Variants in AGO2 observed in about 807,000 individuals in gnomAD.
AGO2 encodes the protein protein argonaute-2.
Under a neutral mutation model 102.3 loss-of-function variants are expected in AGO2, and 5 were observed. That is an observed-to-expected ratio of 0.05 (90% CI 0.03 to 0.10). The LOEUF (loss-of-function observed/expected upper bound fraction) is 0.10. AGO2 is among the 10% of genes least tolerant of loss of function. The probability of loss-of-function intolerance (pLI) is 1.00; values close to 1 mark genes in which losing one functional copy is unlikely to be tolerated. For missense variants in AGO2, 541 were observed against 1,183.7 expected, an observed-to-expected ratio of 0.46 and a Z score of 7.97; for synonymous variants, 449 against 473.1, an observed-to-expected ratio of 0.95 and a Z score of 0.66.
chr8:140,533,119 G>A (rs774323259), intron 17 of AGO2, among the ~76,000 whole-genome samples: 8 of 151,952 alleles, frequency 5.3e-5, no homozygotes, highest in Non-Finnish European at 8.8e-5. Flanking sequence ...GCTGGGCCCG[G>A]TGGCTCACAC....
intron 1 of AGO2, among the ~76,000 whole-genome samples, chr8:140,587,727 G>A (rs976820349): frequency 1.6e-4 from 25 of 152,206 alleles, no homozygotes; most frequent in African/African-American, 4.3e-4. Flanking sequence ...CACAAGACAC[G>A]GATGGGCCAC....
At position 140,532,622 on chromosome 8, in the gene AGO2, C is replaced by G; in HGVS notation, c.2272-7G>C. 1 of 1,613,976 alleles carries G rather than the reference C, an allele frequency of 6.2e-7. No homozygotes were observed. The highest frequency in any genetic ancestry group is 8.5e-7 in the Non-Finnish European group (1 of 1,179,892). On this transcript the variant is annotated splice_region_variant and splice_polypyrimidine_tract_variant and intron_variant, in intron 17 of 18. Transcript: ENST00000220592. ...GCGAAGGCCTGCTTGTCCCCTAAAG[C>G]AGATCAGAAGATTAGACAGTTGGAC...
intron 1 of AGO2, among the ~76,000 whole-genome samples, chr8:140,596,863 G>A (rs774968447): frequency 1.7e-4 from 26 of 152,148 alleles, no homozygotes; most frequent in African/African-American, 6.3e-4. Flanking sequence ...CTGTGTCGTC[G>A]TGACCGCTGT....
intron 2 of AGO2, among the ~76,000 whole-genome samples, chr8:140,576,656 G>C (rs186543137): frequency 6.6e-6 from 1 of 152,204 alleles, no homozygotes; most frequent in Non-Finnish European, 1.5e-5. Flanking sequence ...TCTCTTCTAC[G>C]AGGCTGATGC....
intron 1 of AGO2, among the ~76,000 whole-genome samples, chr8:140,593,642 T>C (rs1193648908): frequency 1.3e-5 from 2 of 151,848 alleles, no homozygotes; most frequent in Admixed American, 6.6e-5. Flanking sequence ...ACATAAAATG[T>C]TTACTTCCCT....
rs368519674 is a variant in AGO2, at chr8:140,544,299, G to A, written c.1753C>T (p.Pro585Ser). 4 of 1,601,346 alleles carry A rather than the reference G, an allele frequency of 2.5e-6. No homozygotes were observed. Among genetic ancestry groups the A allele is most frequent in the Non-Finnish European group, 3.4e-6 (4 of 1,175,050 alleles). Residue 585 changes from proline to serine, a missense_variant, in exon 14 of 19, where the codon CCG becomes TCG. Pro to Ser is a moderately conservative substitution (Grantham distance 74). This residue lies in a region of AGO2 where 309 missense variants were observed against 735.1 expected (regional missense o/e 0.42). Transcript: ENST00000220592. ...NNILLPQGRP[P>S]VFQQPVIFLG... Reference sequence around the variant, plus strand: ...AAGATGACGGGCTGCTGGAACACCGGCGGCCTGCGGAGAGGAGTGGCGTCA... The same window carrying A: ...AAGATGACGGGCTGCTGGAACACCGACGGCCTGCGGAGAGGAGTGGCGTCA...
Position 140,585,402 on chromosome 8 carries a change from C to G in AGO2, c.23-91G>C, listed in dbSNP as rs547171881. On this transcript the variant is annotated intron_variant, in intron 1 of 18. Coordinates refer to ENST00000220592, the MANE Select transcript of AGO2 (RefSeq NM_012154.5). Reference sequence around the variant, plus strand: ...GCGGCCCCAAGCCACTATATGCCCCCCTCTGCTGTTTCCATTCACGTCCAG... The same window carrying G: ...GCGGCCCCAAGCCACTATATGCCCCGCTCTGCTGTTTCCATTCACGTCCAG... 6 of 1,434,160 alleles carry G rather than the reference C, an allele frequency of 4.2e-6. No homozygotes were observed. The African/African-American group carries it at 5.7e-5, about 14-fold the overall frequency. 88.8% of individuals were successfully genotyped at this position (1,434,160 alleles called of 1,614,324 possible).
intron 1 of AGO2, among the ~76,000 whole-genome samples, chr8:140,601,755 T>C (rs1028306911): frequency 2.6e-5 from 4 of 152,376 alleles, no homozygotes; most frequent in Admixed American, 1.3e-4. Flanking sequence ...ACAAACACTA[T>C]GTAAATAGTT....
At chr8:140,533,073 TAC>T (rs1246818570) in intron 17 of AGO2, among the ~76,000 whole-genome samples, 1 of 151,106 alleles carries the variant, frequency 6.6e-6, no homozygotes, top group Non-Finnish European at 1.5e-5. Flanking sequence ...TACATTTATT[TAC>T]ACACAGAAAA....
intron 1 of AGO2, among the ~76,000 whole-genome samples, chr8:140,588,584 AAGGGAGGC>A (rs1227017654): frequency 4.6e-4 from 15 of 32,556 alleles, no homozygotes; most frequent in African/African-American, 1.2e-3. Flanking sequence ...GGGAGTAAAG[AAGGGAGGC>A]AGGGAGAGAG....
intron 6 of AGO2, 25 bp from the exon 7 acceptor site, chr8:140,558,597 G>A (rs777238528): frequency 3.1e-6 from 5 of 1,611,858 alleles, no homozygotes; most frequent in Admixed American, 1.7e-5. Flanking sequence ...CACAGGCATC[G>A]GCATCGGGGC....
chr8:140,573,941 C>A (rs1347159440), intron 2 of AGO2, among the ~76,000 whole-genome samples: 1 of 152,184 alleles, frequency 6.6e-6, no homozygotes, highest in African/African-American at 2.4e-5. Flanking sequence ...CCCTCCAGTC[C>A]AGCCTGACCC....
chr8:140,535,650 GC>G, intron 16 of AGO2, 81 bp from the exon 17 acceptor site: 1 of 1,337,170 alleles, frequency 7.5e-7, no homozygotes. Flanking sequence ...CGCGCCGCCC[GC>G]TGGCCAGGGT....
chr8:140,593,755 C>G (rs139139109), intron 1 of AGO2, among the ~76,000 whole-genome samples: 2 of 152,176 alleles, frequency 1.3e-5, no homozygotes, highest in South Asian at 4.1e-4. Context: ...ATCCTTACCA[C>G]GGGCAAGGCA....
chr8:140,587,773 A>G (rs1289315080), intron 1 of AGO2, among the ~76,000 whole-genome samples: 2 of 152,208 alleles, frequency 1.3e-5, no homozygotes, highest in African/African-American at 4.8e-5. Flanking sequence ...GATGGTTCCA[A>G]AAGGGAATTC....
At chr8:140,597,480 C>CCCCCCA (rs2073864578) in intron 1 of AGO2, among the ~76,000 whole-genome samples, 1 of 132,126 alleles carries the variant, frequency 7.6e-6, no homozygotes, top group African/African-American at 2.7e-5. Context: ...CCCCACCCCC[C>CCCCCCA]CCCCCCCGCC....
chr8:140,577,127 G>A (rs567752205), intron 2 of AGO2, among the ~76,000 whole-genome samples: 1 of 146,904 alleles, frequency 6.8e-6, no homozygotes, highest in African/African-American at 2.5e-5. Context: ...AGAATGGCGT[G>A]AACCCGGGAG....
chr8:140,625,836 A>C (rs1338245995), intron 1 of AGO2, among the ~76,000 whole-genome samples: 1 of 152,204 alleles, frequency 6.6e-6, no homozygotes, highest in African/African-American at 2.4e-5. Context: ...ACCACCCCCC[A>C]AAAAGCTTCC....
chr8:140,585,364 C>T (rs2073639307), intron 1 of AGO2, 53 bp from the exon 2 acceptor site: 1 of 1,567,796 alleles, frequency 6.4e-7, no homozygotes. Context: ...TGCTCTGCGG[C>T]CCTTCCCATC....
Sources: gnomAD v4.1 joint callset for allele counts (sites outside exome capture counted in the v4.1 genomes callset) on GRCh38, gnomAD v4.1.1 for gene constraint, gnomAD v4.1.1 regional missense constraint, MANE v1.5 for transcripts, NCBI Gene and HGNC (gene_info 2026-07-23, HGNC 2026-07-21) for gene names.